Variants in VWC2L observed in about 807,000 individuals in gnomAD.
The protein encoded by VWC2L is von Willebrand factor C domain containing 2 like.
Under a neutral mutation model 21.6 loss-of-function variants are expected in VWC2L, and 10 were observed. The ratio of observed to expected loss-of-function variants is 0.46; its 90% CI spans 0.29 to 0.78. VWC2L has a LOEUF of 0.78. Among genes scored for constraint, VWC2L ranks in the 30% least tolerant of loss-of-function variants. VWC2L has a pLI of 0.10. For synonymous variants in VWC2L, 96 were observed against 94.3 expected, an observed-to-expected ratio of 1.02 and a Z score of -0.10; for missense variants, 209 against 277.1, an observed-to-expected ratio of 0.75 and a Z score of 1.74.
At chr2:214,565,732 C>A (rs1375777245) in intron 3 of VWC2L, among the ~76,000 whole-genome samples, 1 of 152,116 alleles carries the variant, frequency 6.6e-6, no homozygotes, top group Non-Finnish European at 1.5e-5. Context: ...TAAATAGCAA[C>A]AACTTAACAT....
At chr2:214,469,669 A>G (rs990374591) in intron 3 of VWC2L, among the ~76,000 whole-genome samples, 6 of 152,208 alleles carry the variant, frequency 3.9e-5, no homozygotes, top group African/African-American at 1.4e-4. Context: ...AGATCTCTGT[A>G]TTGCCTTAGA....
chr2:214,446,248 A>C (rs1424564640), intron 3 of VWC2L, among the ~76,000 whole-genome samples: 2 of 152,218 alleles, frequency 1.3e-5, no homozygotes, highest in African/African-American at 2.4e-5. Context: ...TGATGCAAGC[A>C]TGTCCTATGA....
At chr2:214,504,434 G>A (rs765043451) in intron 3 of VWC2L, among the ~76,000 whole-genome samples, 1 of 152,208 alleles carries the variant, frequency 6.6e-6, no homozygotes. Flanking sequence ...TCTGCAGCAC[G>A]TGTCTGACAT....
intron 3 of VWC2L, among the ~76,000 whole-genome samples, chr2:214,503,858 C>T (rs911451853): frequency 6.6e-5 from 10 of 152,158 alleles, no homozygotes; most frequent in Admixed American, 1.3e-4. Context: ...TTATCCTCAC[C>T]ACATCATACA....
chr2:214,572,626 A>G (rs940476884), intron 3 of VWC2L, among the ~76,000 whole-genome samples: 1 of 152,228 alleles, frequency 6.6e-6, no homozygotes, highest in African/African-American at 2.4e-5. Flanking sequence ...ATTTACTGTC[A>G]CCACTATTAA....
At chr2:214,544,590 G>T (rs1689676743) in intron 3 of VWC2L, among the ~76,000 whole-genome samples, 1 of 152,116 alleles carries the variant, frequency 6.6e-6, no homozygotes, top group Non-Finnish European at 1.5e-5. Context: ...AGAGTCTCCA[G>T]CCAAAACTTG....
chr2:214,495,312 G>A (rs1271403511), intron 3 of VWC2L, among the ~76,000 whole-genome samples: 1 of 152,106 alleles, frequency 6.6e-6, no homozygotes, highest in African/African-American at 2.4e-5. Context: ...TGAGCCAGTT[G>A]TGACTCTGAG....
intron 3 of VWC2L, among the ~76,000 whole-genome samples, chr2:214,554,495 C>CTCCACT (rs1349265807): frequency 6.6e-6 from 1 of 152,056 alleles, no homozygotes. Flanking sequence ...GAAACCCCAT[C>CTCCACT]TCCACTAAAA....
intron 3 of VWC2L, among the ~76,000 whole-genome samples, chr2:214,453,986 G>A (rs1703015627): frequency 6.6e-6 from 1 of 152,070 alleles, no homozygotes; most frequent in Non-Finnish European, 1.5e-5. Context: ...CTCCCAAAGT[G>A]CTAGAATTAC....
chr2:214,460,040 T>G (rs1367306705), intron 3 of VWC2L, among the ~76,000 whole-genome samples: 1 of 151,868 alleles, frequency 6.6e-6, no homozygotes, highest in African/African-American at 2.4e-5. Context: ...CGCGAGTAGT[T>G]GGGATTACAG....
intron 3 of VWC2L, among the ~76,000 whole-genome samples, chr2:214,483,075 T>C (rs1044292955): frequency 1.3e-5 from 2 of 152,160 alleles, no homozygotes; most frequent in African/African-American, 4.8e-5. Context: ...ATCCCTATCA[T>C]ATGAATGAGG....
intron 3 of VWC2L, among the ~76,000 whole-genome samples, chr2:214,449,868 T>G (rs947226902): frequency 6.6e-6 from 1 of 152,172 alleles, no homozygotes; most frequent in African/African-American, 2.4e-5. Context: ...CCCCGAGTCT[T>G]TCCTTCCTTT....
intron 3 of VWC2L, among the ~76,000 whole-genome samples, chr2:214,497,444 C>T (rs1411817149): frequency 1.3e-5 from 2 of 152,212 alleles, no homozygotes; most frequent in African/African-American, 2.4e-5. Flanking sequence ...ATTTTCGCAA[C>T]CTCATCTTTG....
chr2:214,428,772 A>C (rs1400718626), intron 2 of VWC2L, among the ~76,000 whole-genome samples: 4 of 151,796 alleles, frequency 2.6e-5, no homozygotes, highest in Non-Finnish European at 5.9e-5. Context: ...AAAATGAAGA[A>C]AAAATTTCAA....
intron 3 of VWC2L, among the ~76,000 whole-genome samples, chr2:214,489,172 T>C (rs1688713219): frequency 6.6e-6 from 1 of 152,090 alleles, no homozygotes; most frequent in South Asian, 2.1e-4. Context: ...CCATAGTAGC[T>C]GGCCATAGTC....
intron 3 of VWC2L, among the ~76,000 whole-genome samples, chr2:214,532,581 A>G (rs1321678072): frequency 6.6e-6 from 1 of 152,166 alleles, no homozygotes; most frequent in Non-Finnish European, 1.5e-5. Flanking sequence ...GACAAGAAGA[A>G]GGGCTAATAT....
chr2:214,536,527 A>G (rs1574623896), intron 3 of VWC2L, among the ~76,000 whole-genome samples: 1 of 152,122 alleles, frequency 6.6e-6, no homozygotes, highest in East Asian at 1.9e-4. Flanking sequence ...CTTAACATTT[A>G]TGAGTAAAAA....
chr2:214,471,172 T>C (rs1703304526), intron 3 of VWC2L, among the ~76,000 whole-genome samples: 1 of 152,182 alleles, frequency 6.6e-6, no homozygotes, highest in African/African-American at 2.4e-5. Flanking sequence ...TACCCTGCTC[T>C]GAGCTGCATT....
chr2:214,491,436 A>T (rs1688744424), intron 3 of VWC2L, among the ~76,000 whole-genome samples: 1 of 152,190 alleles, frequency 6.6e-6, no homozygotes, highest in Admixed American at 6.5e-5. Context: ...AAGAAGAGAG[A>T]CTAAATCCCA....
Sources: gnomAD v4.1 joint callset for allele counts (sites outside exome capture counted in the v4.1 genomes callset) on GRCh38, gnomAD v4.1.1 for gene constraint, MANE v1.5 for transcripts, NCBI Gene and HGNC (gene_info 2026-07-23, HGNC 2026-07-21) for gene names.